OPALIN: variants seen among roughly 807,000 people sequenced by gnomAD.
OPALIN encodes oligodendrocytic myelin paranodal and inner loop protein, also known as transmembrane protein 10.
In OPALIN, 15 loss-of-function variants were observed where a neutral mutation model predicts 17.8. The observed-to-expected ratio is 0.84, with a 90% CI of 0.56 to 1.29. The LOEUF is 1.29. OPALIN is among the 50% of genes most tolerant of loss of function. OPALIN has a pLI of 0.00. For missense variants in OPALIN, 170 were observed against 176.0 expected, an observed-to-expected ratio of 0.97 and a Z score of 0.19; for synonymous variants, 62 against 63.8, an observed-to-expected ratio of 0.97 and a Z score of 0.14.
chr10:96,356,959 G>A (rs1845847512), intron 1 of OPALIN: 2 of 985,310 alleles, frequency 2.0e-6, no homozygotes, highest in South Asian at 4.7e-5. Flanking sequence ...AGGCTTCCAA[G>A]CAACTCCAGT....
In OPALIN at chr10:96,345,836, T is replaced by C; in HGVS notation, c.*105A>G. The C allele has an allele frequency of 8.9e-7, 1 of 1,117,662 alleles. No homozygotes were observed. Among genetic ancestry groups the C allele is most frequent in the South Asian group, 1.5e-5 (1 of 67,100 alleles). The allele number at this position is 1,117,662 out of a possible 1,614,324, so 69.2% of individuals were successfully genotyped here. A position where few individuals can be genotyped will look rare whatever the true frequency, so the allele number is the denominator to read the frequency against. On this transcript the variant is annotated 3_prime_UTR_variant, in exon 6 of 6. Coordinates refer to ENST00000371172, the MANE Select transcript of OPALIN (RefSeq NM_033207.5). ...GTGTTCCAGAGCTGTAAATGAAATT[T>C]GGATTGATTAAGAAGCAGCTTGGCA...
chr10:96,356,685 G>A (rs1845834710), intron 1 of OPALIN, among the ~76,000 whole-genome samples: 1 of 152,206 alleles, frequency 6.6e-6, no homozygotes, highest in Admixed American at 6.5e-5. Context: ...TTGTGAACCA[G>A]AAGTGTTTTA....
intron 2 of OPALIN, 88 bp from the exon 3 acceptor site, chr10:96,351,498 T>C (rs1275664867): frequency 5.5e-6 from 4 of 730,250 alleles, no homozygotes; most frequent in Non-Finnish European, 8.7e-6. Flanking sequence ...GTTTAGGCTA[T>C]AAAGCCTAAA....
At chr10:96,353,462 G>C (rs757834224) in intron 2 of OPALIN, 1 of 1,607,060 alleles carries the variant, frequency 6.2e-7, no homozygotes, top group Admixed American at 1.7e-5. Flanking sequence ...GCATTGTCCA[G>C]AGAGCTGCCC....
In OPALIN at chr10:96,344,001, A is replaced by C. The variant is rs191382229; in HGVS notation, c.*1940T>G. On this transcript the variant is annotated 3_prime_UTR_variant, in exon 6 of 6. Transcript: ENST00000371172. ...AACCAGGCTGCCTGGAAGCCTCCTCATGGGAGTGAAAGTGAAAGCCTGTCC... is the reference window on the plus strand; with the variant it reads ...AACCAGGCTGCCTGGAAGCCTCCTCCTGGGAGTGAAAGTGAAAGCCTGTCC... The C allele has an allele frequency of 6.6e-6, 1 of 152,272 alleles. No individual in the cohort carries two copies. Among genetic ancestry groups the C allele is most frequent in the African/African-American group, 2.4e-5 (1 of 41,452 alleles). The allele number at this position is 152,272 out of a possible 1,614,324, so 9.4% of individuals were successfully genotyped here. A position where few individuals can be genotyped will look rare whatever the true frequency, so the allele number is the denominator to read the frequency against.
rs2134004895 is a variant in OPALIN at position 96,344,663 on chromosome 10, T to A, written c.*1278A>T. 1 of 152,240 alleles carries A rather than the reference T, an allele frequency of 6.6e-6. No homozygotes were observed. Among genetic ancestry groups the A allele is most frequent in the Non-Finnish European group, 1.5e-5 (1 of 68,012 alleles). 9.4% of individuals were successfully genotyped at this position (152,240 alleles called of 1,614,324 possible). On this transcript the variant is annotated 3_prime_UTR_variant, in exon 6 of 6. Transcript: ENST00000371172. ...TCCTTGGAGACAGTCCTCAGCAAGC[T>A]GAAGCGGCAATGCTATGCGTGGGCT... is the stretch of plus-strand genomic sequence containing the variant.
intron 1 of OPALIN, chr10:96,356,853 C>A (rs1431574487): frequency 1.6e-5 from 16 of 983,238 alleles, no homozygotes; most frequent in Non-Finnish European, 1.9e-5. Context: ...ATAACCAAGC[C>A]TCAAGAATTT....
At chr10:96,354,059 C>T (rs1477360169) in intron 2 of OPALIN, among the ~76,000 whole-genome samples, 9 of 152,152 alleles carry the variant, frequency 5.9e-5, no homozygotes, top group South Asian at 4.1e-4. Flanking sequence ...AGTCCTCTTA[C>T]GAGTAAGATT....
chr10:96,349,404 A>G (rs1357866656), intron 4 of OPALIN, among the ~76,000 whole-genome samples: 1 of 152,182 alleles, frequency 6.6e-6, no homozygotes, highest in Non-Finnish European at 1.5e-5. Context: ...TAGAAAGCAC[A>G]CCCACTGTAC....
chr10:96,353,103 G>A (rs182069948), intron 2 of OPALIN, among the ~76,000 whole-genome samples: 5 of 152,218 alleles, frequency 3.3e-5, no homozygotes, highest in Admixed American at 2.0e-4. Flanking sequence ...CTTGTGTAAG[G>A]TCACACAGCC....
chr10:96,346,198 C>A (rs1276782371), intron 5 of OPALIN, 81 bp from the exon 6 acceptor site: 18 of 1,308,052 alleles, frequency 1.4e-5, no homozygotes, highest in African/African-American at 7.3e-5. Context: ...ACCACATTGA[C>A]CCTCCCACCT....
intron 5 of OPALIN, among the ~76,000 whole-genome samples, chr10:96,346,694 T>C (rs1845345633): frequency 6.6e-6 from 1 of 152,222 alleles, no homozygotes; most frequent in Non-Finnish European, 1.5e-5. Flanking sequence ...AAAAAATTGA[T>C]TGGGATTTAT....
chr10:96,346,164 T>G (rs1564880958), intron 5 of OPALIN, 47 bp from the exon 6 acceptor site: 1 of 1,567,312 alleles, frequency 6.4e-7, no homozygotes, highest in Non-Finnish European at 8.8e-7. Flanking sequence ...AGAGAATTCT[T>G]TCATACAAGA....
At chr10:96,347,364 G>A (rs1845378228) in intron 5 of OPALIN, among the ~76,000 whole-genome samples, 1 of 152,048 alleles carries the variant, frequency 6.6e-6, no homozygotes, top group South Asian at 2.1e-4. Flanking sequence ...AAAGTGCTGA[G>A]ATTACAGGCG....
In OPALIN at chr10:96,355,238, G is replaced by C. The variant is rs1157942573; in HGVS notation, c.39+17C>G. 3 of 1,612,940 alleles carry C rather than the reference G, an allele frequency of 1.9e-6. No homozygotes were observed. The highest frequency in any genetic ancestry group is 2.5e-6 in the Non-Finnish European group (3 of 1,179,386). ...TCTTCTCTGCGTTGCCTGGTGAATG[G>C]GGGCTGCTGTACTTACTGTGTTCGC... On this transcript the variant is annotated intron_variant, in intron 2 of 5. Transcript: ENST00000371172.
In OPALIN at chr10:96,345,991, C is replaced by G. The variant is rs759026031; in HGVS notation, c.376G>C (p.Glu126Gln). ...HDRYRPTIEM[E>Q]RRRGLWWLVP... is the part of the protein sequence containing the mutation. ...AGCCACCACAATCCCCTCCTTCTTT[C>G]CATTTCTATAGTAGGACGGTAACGG... The change falls in exon 6 of 6, where the codon GAA becomes CAA. Residue 126 changes from glutamate (E) to glutamine (Q), a missense_variant. Coordinates refer to ENST00000371172, the MANE Select transcript of OPALIN (RefSeq NM_033207.5). The G allele has an allele frequency of 6.2e-7, 1 of 1,614,192 alleles. No homozygotes were observed. The highest frequency in any genetic ancestry group is 8.5e-7 in the Non-Finnish European group (1 of 1,180,016).
intron 4 of OPALIN, among the ~76,000 whole-genome samples, 193 bp downstream of exon 4, chr10:96,349,514 T>G (rs1156397951): frequency 6.6e-6 from 1 of 152,188 alleles, no homozygotes; most frequent in Non-Finnish European, 1.5e-5. Context: ...GACCTGAAGG[T>G]TTTATGACAA....
At chr10:96,353,295 C>T (rs917409206) in intron 2 of OPALIN, among the ~76,000 whole-genome samples, 7 of 152,214 alleles carry the variant, frequency 4.6e-5, no homozygotes, top group African/African-American at 1.7e-4. Flanking sequence ...GACTGGCCAG[C>T]AGGGAGCCCT....
Position 96,345,868 on chromosome 10 carries a change from C to T in OPALIN, c.*73G>A. On this transcript the variant is annotated 3_prime_UTR_variant, in exon 6 of 6. Transcript: ENST00000371172. Reference sequence around the variant, plus strand: ...ATTAAGAAGCAGCTTGGCATCTTTCCTCTCCAAGTACAAAACCCTGGGTTT... The same window carrying T: ...ATTAAGAAGCAGCTTGGCATCTTTCTTCTCCAAGTACAAAACCCTGGGTTT... 6.9e-7 allele frequency: 1 copy of T among 1,453,880 alleles called. No individual in the cohort carries two copies. Among genetic ancestry groups the T allele is most frequent in the East Asian group, 2.3e-5 (1 of 43,790 alleles). 90.1% of individuals were successfully genotyped at this position (1,453,880 alleles called of 1,614,324 possible).
Sources: gnomAD v4.1 joint callset for allele counts (sites outside exome capture counted in the v4.1 genomes callset) on GRCh38, gnomAD v4.1.1 for gene constraint, MANE v1.5 for transcripts, NCBI Gene and HGNC (gene_info 2026-07-23, HGNC 2026-07-21) for gene names.